TMEM178B: variants seen among roughly 807,000 people sequenced by gnomAD.
TMEM178B encodes the protein transmembrane protein 178B.
In TMEM178B, 5 loss-of-function variants were observed where a neutral mutation model predicts 31.0. The observed-to-expected ratio is 0.16, with a 90% CI of 0.08 to 0.34. The LOEUF is 0.34. Ranked by LOEUF, TMEM178B falls within the 10% of genes least tolerant of loss-of-function variation. The pLI, the probability that TMEM178B is intolerant of heterozygous loss-of-function variation, is 1.00. For missense variants in TMEM178B, 275 were observed against 400.3 expected, an observed-to-expected ratio of 0.69 and a Z score of 2.67; for synonymous variants, 164 against 164.0, an observed-to-expected ratio of 1.00 and a Z score of 0.00.
At chr7:141,235,746 A>G (rs1797517475) in intron 2 of TMEM178B, among the ~76,000 whole-genome samples, 1 of 152,240 alleles carries the variant, frequency 6.6e-6, no homozygotes, top group African/African-American at 2.4e-5. Context: ...CATGGGGTAC[A>G]TGATGGAGAG....
chr7:141,408,579 G>A (rs1800927138), intron 2 of TMEM178B, among the ~76,000 whole-genome samples: 1 of 152,176 alleles, frequency 6.6e-6, no homozygotes, highest in Non-Finnish European at 1.5e-5. Context: ...AGAAAGAGTT[G>A]TGGTTCCTGC....
chr7:141,361,578 C>T (rs1799919727), intron 2 of TMEM178B, among the ~76,000 whole-genome samples: 1 of 152,148 alleles, frequency 6.6e-6, no homozygotes, highest in African/African-American at 2.4e-5. Flanking sequence ...GCCATCCTGG[C>T]AATATTAGGC....
At chr7:141,115,035 TTGTGTG>T (rs141595860) in intron 1 of TMEM178B, among the ~76,000 whole-genome samples, 1 of 148,562 alleles carries the variant, frequency 6.7e-6, no homozygotes, top group African/African-American at 2.5e-5. Flanking sequence ...TCTGTGGGAT[TTGTGTG>T]TGTGTGTGTG....
intron 2 of TMEM178B, among the ~76,000 whole-genome samples, chr7:141,371,118 A>G (rs903791518): frequency 6.6e-6 from 1 of 152,216 alleles, no homozygotes; most frequent in African/African-American, 2.4e-5. Flanking sequence ...GTTACTGTGT[A>G]CTACAGGTTG....
chr7:141,492,895 T>C, the TMEM178B span, among the ~76,000 whole-genome samples: 54 of 152,218 alleles, frequency 3.5e-4, 1 homozygote, highest in Admixed American at 1.0e-3. Context: ...CTCACTGTTT[T>C]CCTCATTTTG....
At chr7:141,181,189 C>G (rs1467303672) in intron 1 of TMEM178B, among the ~76,000 whole-genome samples, 1 of 152,212 alleles carries the variant, frequency 6.6e-6, no homozygotes, top group Non-Finnish European at 1.5e-5. Context: ...GGAACAAATG[C>G]AAGTGTGTGT....
intron 2 of TMEM178B, among the ~76,000 whole-genome samples, chr7:141,228,039 T>C (rs914811881): frequency 6.7e-6 from 1 of 150,240 alleles, no homozygotes; most frequent in African/African-American, 2.4e-5. Flanking sequence ...AAGGTGTGTG[T>C]ACACACACAC....
At chr7:141,078,291 A>G (rs1471440193) in intron 1 of TMEM178B, among the ~76,000 whole-genome samples, 1 of 152,214 alleles carries the variant, frequency 6.6e-6, no homozygotes, top group Non-Finnish European at 1.5e-5. Flanking sequence ...CTAAAATATT[A>G]TATTGATATA....
chr7:141,479,525 C>T lies in TMEM178B; in HGVS notation c.*8739C>T, dbSNP rs942157298. The T allele has an allele frequency of 2.6e-5, 4 of 152,110 alleles. No individual in the cohort carries two copies. The highest frequency in any genetic ancestry group is 7.2e-5 in the African/African-American group (3 of 41,402). 9.4% of individuals were successfully genotyped at this position (152,110 alleles called of 1,614,324 possible). On this transcript the variant is annotated 3_prime_UTR_variant, in exon 4 of 4. Coordinates refer to ENST00000565468, the MANE Select transcript of TMEM178B (RefSeq NM_001195278.2). ...TTTTGTTTGTGAAAAAGATAGGTAT[C>T]GAGATCTTAATGGAGAGAACAGAAT...
intron 1 of TMEM178B, among the ~76,000 whole-genome samples, chr7:141,112,087 G>C (rs1195724151): frequency 1.3e-5 from 2 of 152,134 alleles, no homozygotes; most frequent in Non-Finnish European, 2.9e-5. Context: ...GTATGTATGT[G>C]TATATTAGCC....
At chr7:141,246,581 A>G (rs965376957) in intron 2 of TMEM178B, among the ~76,000 whole-genome samples, 3 of 152,212 alleles carry the variant, frequency 2.0e-5, no homozygotes, top group Non-Finnish European at 4.4e-5. Context: ...TAGAGAAACC[A>G]GAGATGGCTT....
chr7:141,157,749 C>T (rs766679798), intron 1 of TMEM178B, among the ~76,000 whole-genome samples: 3 of 152,190 alleles, frequency 2.0e-5, no homozygotes, highest in African/African-American at 4.8e-5. Flanking sequence ...ACAGTGATGA[C>T]GCTTCCGGCG....
intron 2 of TMEM178B, among the ~76,000 whole-genome samples, chr7:141,217,912 C>T (rs1198917968): frequency 1.3e-5 from 2 of 152,090 alleles, no homozygotes; most frequent in Non-Finnish European, 1.5e-5. Context: ...TGCTATCTTT[C>T]GAGTTGCTGA....
intron 1 of TMEM178B, among the ~76,000 whole-genome samples, chr7:141,149,477 G>A (rs1795918977): frequency 6.6e-6 from 1 of 152,174 alleles, no homozygotes; most frequent in Non-Finnish European, 1.5e-5. Context: ...GAACACTTGA[G>A]GTGGAGGTTG....
At chr7:141,112,587 T>C (rs867164830) in intron 1 of TMEM178B, among the ~76,000 whole-genome samples, 4 of 152,208 alleles carry the variant, frequency 2.6e-5, no homozygotes, top group Admixed American at 6.5e-5. Flanking sequence ...AATTTAACAA[T>C]CTGTTAATAG....
chr7:141,085,765 G>A (rs1340344263), intron 1 of TMEM178B, among the ~76,000 whole-genome samples: 1 of 152,012 alleles, frequency 6.6e-6, no homozygotes, highest in Non-Finnish European at 1.5e-5. Context: ...CCTGAAAGAA[G>A]CTCCATGCTC....
chr7:141,288,603 C>A (rs1406123307), intron 2 of TMEM178B, among the ~76,000 whole-genome samples: 1 of 152,194 alleles, frequency 6.6e-6, no homozygotes, highest in Non-Finnish European at 1.5e-5. Flanking sequence ...CACCCACATT[C>A]CTTGACAGTC....
rs1795550868 is a variant in TMEM178B at position 141,128,932 on chromosome 7, T to C, written c.382+54240T>C. 2.0e-5 allele frequency among the ~76,000 whole-genome samples: 3 copies of C among 152,158 alleles called. No individual in the cohort carries two copies. The South Asian group carries it at 6.2e-4, about 32-fold the overall frequency. ...ATTAAACACCATGATTGGAGATATA[T>C]TACCCATATTGCTCCTCAGAAGAAA... On this transcript the variant is annotated intron_variant, in intron 1 of 3. Transcript: ENST00000565468.
intron 1 of TMEM178B, among the ~76,000 whole-genome samples, chr7:141,176,804 T>G (rs1042484141): frequency 3.3e-5 from 5 of 152,140 alleles, no homozygotes; most frequent in Non-Finnish European, 7.3e-5. Context: ...GGTGGTGATA[T>G]CCTCTTTATC....
Sources: gnomAD v4.1 joint callset for allele counts (sites outside exome capture counted in the v4.1 genomes callset) on GRCh38, gnomAD v4.1.1 for gene constraint, MANE v1.5 for transcripts, NCBI Gene and HGNC (gene_info 2026-07-23, HGNC 2026-07-21) for gene names.